COL5A3: variants seen among roughly 807,000 people sequenced by gnomAD.
COL5A3 encodes collagen alpha-3(V) chain.
A neutral mutation model predicts 250.0 loss-of-function variants in COL5A3; 172 were observed. That is an observed-to-expected ratio of 0.69 (90% CI 0.61 to 0.78). The LOEUF (loss-of-function observed/expected upper bound fraction) is 0.78, where lower values mean the gene tolerates loss of function less well. Among genes scored for constraint, COL5A3 ranks in the 30% least tolerant of loss-of-function variants. The pLI is 0.00. For synonymous variants in COL5A3, 937 were observed against 900.4 expected, an observed-to-expected ratio of 1.04 and a Z score of -0.73; for missense variants, 2,340 against 2,334.4, an observed-to-expected ratio of 1.00 and a Z score of -0.05.
rs1465683679 is a variant in COL5A3 at position 9,986,846 on chromosome 19, T to A, written c.2146-88A>T. 3 of 1,466,436 alleles carry A rather than the reference T, an allele frequency of 2.0e-6. No individual in the cohort carries two copies. In the African/African-American group the frequency reaches 4.3e-5, roughly 21 times the overall value. 90.8% of individuals were successfully genotyped at this position (1,466,436 alleles called of 1,614,324 possible). ...GTCCCCTGCTCTAAAGCAGCCAGGA[T>A]AGTCCCAAGAGGAGGCTAGGCAGAA... On this transcript the variant is annotated intron_variant, in intron 27 of 66. Coordinates refer to ENST00000264828, the MANE Select transcript of COL5A3 (RefSeq NM_015719.4).
chr19:9,971,246 G>A lies in COL5A3; in HGVS notation c.3787C>T (p.Leu1263=). Residue 1263 remains leucine (L), a synonymous_variant, in exon 52 of 67, where the codon CTG becomes TTG. Coordinates refer to ENST00000264828, the MANE Select transcript of COL5A3 (RefSeq NM_015719.4). ...GAKGSVGPTG[L]PGDLGPPGDP... ...CCTGGGGGCCCTAGATCTCCGGGCA[G>A]CCCCGTGGGGCCCTGGAACACAGAA... 2 of 1,562,624 alleles carry A rather than the reference G, an allele frequency of 1.3e-6. No homozygotes were observed. The highest frequency in any genetic ancestry group is 1.7e-6 in the Non-Finnish European group (2 of 1,162,908).
chr19:9,961,560 T>C (rs2086672267), intron 65 of COL5A3, among the ~76,000 whole-genome samples: 2 of 106,970 alleles, frequency 1.9e-5, no homozygotes, highest in South Asian at 2.4e-4. Context: ...CTTCATTTAA[T>C]TTTTTTTTTT....
At chr19:9,996,301 A>G in intron 13 of COL5A3, 39 bp from the exon 14 acceptor site, 1 of 1,547,936 alleles carries the variant, frequency 6.5e-7, no homozygotes, top group Non-Finnish European at 8.7e-7. Context: ...GGCCTCCCAC[A>G]AGACCCCCAA....
chr19:9,994,063 G>C (rs2145124670), intron 16 of COL5A3, among the ~76,000 whole-genome samples: 1 of 152,182 alleles, frequency 6.6e-6, no homozygotes, highest in Non-Finnish European at 1.5e-5. Flanking sequence ...GTTTCACCCT[G>C]TTGCTCAGGC....
intron 11 of COL5A3, chr19:9,997,023 TAGAG>T (rs906052648): frequency 2.2e-5 from 11 of 501,598 alleles, no homozygotes; most frequent in Non-Finnish European, 3.5e-5. Flanking sequence ...GATGGAGAAA[TAGAG>T]AGAGAGGCGA....
At chr19:9,981,803 G>T (rs987435246) in intron 32 of COL5A3, among the ~76,000 whole-genome samples, 1 of 152,200 alleles carries the variant, frequency 6.6e-6, no homozygotes, top group East Asian at 1.9e-4. Flanking sequence ...GCACAGGCCT[G>T]CAGGCTGCGG....
intron 44 of COL5A3, 72 bp downstream of exon 44, chr19:9,977,157 A>G: frequency 7.0e-7 from 1 of 1,422,400 alleles, no homozygotes; most frequent in Non-Finnish European, 9.9e-7. Context: ...ATGGAGAATG[A>G]TCTCTACATC....
rs1407678677 is a variant in COL5A3, at chr19:10,004,148, G to A, written c.595-3C>T. On this transcript the variant is annotated splice_polypyrimidine_tract_variant and splice_region_variant and intron_variant, in intron 4 of 66. Coordinates refer to ENST00000264828, the MANE Select transcript of COL5A3 (RefSeq NM_015719.4). The stretch of plus-strand genomic sequence containing the variant: ...ATCAGCAGCTCCTGAATGTCTCCCT[G>A]GGGGTTGGGGGTGTAGGAGTCAAGG... The A allele has an allele frequency of 1.2e-6, 2 of 1,610,586 alleles. No individual in the cohort carries two copies. The highest frequency in any genetic ancestry group is 1.7e-6 in the Non-Finnish European group (2 of 1,176,910).
At chr19:9,990,505 A>G (rs564463321) in intron 24 of COL5A3, among the ~76,000 whole-genome samples, 1 of 152,314 alleles carries the variant, frequency 6.6e-6, no homozygotes, top group South Asian at 2.1e-4. Context: ...GCCTGTATCA[A>G]AACATCTCAT....
rs201075436 is a variant in COL5A3, at chr19:9,998,046, C to T, written c.1159-21G>A. On this transcript the variant is annotated intron_variant, in intron 9 of 66. Transcript: ENST00000264828. The stretch of plus-strand genomic sequence containing the variant: ...TGCCCCTGAAGGGAGAAGTGAGTGT[C>T]GGTGACCGCTGTCATCATGAAGCCT... The T allele has an allele frequency of 5.3e-4, 855 of 1,614,000 alleles. 2 individuals carry two copies. Among genetic ancestry groups the T allele is most frequent in the Middle Eastern group, 2.6e-3 (16 of 6,060 alleles).
At position 9,978,951 on chromosome 19, in the gene COL5A3, C is replaced by T; in HGVS notation, c.2904G>A (p.Gly968=). Reference sequence around the variant, plus strand: ...CCCTGAGTCCAGCTGGCCCTTCTTTCCCAAGGGGTCCTGGTGGTCCCAGTT... The same window carrying T: ...CCCTGAGTCCAGCTGGCCCTTCTTTTCCAAGGGGTCCTGGTGGTCCCAGTT... ...KGELGPPGPL[G]KEGPAGLRGF... is the part of the protein sequence containing the mutation. The change falls in exon 40 of 67, where the codon GGG becomes GGA. Residue 968 remains glycine (G), a synonymous_variant. Transcript: ENST00000264828. The T allele has an allele frequency of 6.5e-7, 1 of 1,534,656 alleles. No homozygotes were observed.
Position 10,005,793 on chromosome 19 carries a change from C to T in COL5A3, c.437+3G>A. 1.2e-6 allele frequency: 2 copies of T among 1,608,824 alleles called. No individual in the cohort carries two copies. Among genetic ancestry groups the T allele is most frequent in the Middle Eastern group, 3.3e-4 (2 of 6,042 alleles). On this transcript the variant is annotated splice_donor_region_variant and intron_variant, in intron 3 of 66. Transcript: ENST00000264828. ...GACCCCCGCCCACTCTCCCCATGCT[C>T]ACCTGCCATCTGTGAGGTTGACCTG... is the stretch of plus-strand genomic sequence containing the variant.
intron 31 of COL5A3, among the ~76,000 whole-genome samples, chr19:9,984,157 G>A (rs1481070521): frequency 6.6e-6 from 1 of 151,954 alleles, no homozygotes; most frequent in Non-Finnish European, 1.5e-5. Context: ...CATGTACCTG[G>A]GATTACAGGC....
At chr19:9,978,327 G>A (rs1210429329) in intron 41 of COL5A3, among the ~76,000 whole-genome samples, 4 of 152,032 alleles carry the variant, frequency 2.6e-5, no homozygotes, top group African/African-American at 4.8e-5. Flanking sequence ...AGGTTCAAGC[G>A]ATTCTCCTGC....
In COL5A3 at chr19:9,991,637, C is replaced by T. The variant is rs745374987; in HGVS notation, c.1965G>A (p.Gln655=). ...TCTCCCCAGGAGTGCCAATGAGTCC[C>T]TGGGGACCGGGGAGTCCCTGGAGAC... is the stretch of plus-strand genomic sequence containing the variant. The part of the protein sequence containing the change: ...NHGSQGLPGP[Q]GLIGTPGEKG... The change falls in exon 24 of 67, where the codon CAG becomes CAA. Residue 655 remains glutamine, a synonymous_variant. Coordinates refer to ENST00000264828, the MANE Select transcript of COL5A3 (RefSeq NM_015719.4). 1.9e-6 allele frequency: 3 copies of T among 1,608,944 alleles called. 1 individual carries two copies. In the South Asian group the frequency reaches 3.3e-5, roughly 18 times the overall value.
rs755803760 is a variant in COL5A3 at position 9,979,381 on chromosome 19, C to CTG, written c.2748_2749insCA (p.Gly917GlnfsTer4). The CTG allele has an allele frequency of 7.4e-6, 12 of 1,614,004 alleles. No individual in the cohort carries two copies. The highest frequency in any genetic ancestry group is 1.0e-5 in the Non-Finnish European group (12 of 1,180,026). On this transcript the variant is annotated frameshift_variant, in exon 38 of 67. Coordinates refer to ENST00000264828, the MANE Select transcript of COL5A3 (RefSeq NM_015719.4). LOFTEE classifies it high-confidence loss of function. ...ACTCTGACCTGAGGGCCTAAGACAC[C>CTG]AGCTGGTCCAGGCGGGCCTGTCTGA...
Position 9,992,830 on chromosome 19 carries a change from G to A in COL5A3, c.1845C>T (p.Arg615=), listed in dbSNP as rs2087213508. Residue 615 remains arginine, a synonymous_variant, in exon 21 of 67, where the codon CGC becomes CGT. Transcript: ENST00000264828. ...GPRGSPGPTG[R]PGVTGIDGAP... ...GCAGAGAGCCAGTGACACTCACCGG[G>A]CGACCCGTGGGGCCAGGAGAGCCTC... is the stretch of plus-strand genomic sequence containing the variant. 6.2e-7 allele frequency: 1 copy of A among 1,613,938 alleles called. No homozygotes were observed. The highest frequency in any genetic ancestry group is 8.5e-7 in the Non-Finnish European group (1 of 1,179,902).
In COL5A3 at chr19:9,968,064, T is replaced by A; in HGVS notation, c.4330A>T (p.Ile1444Phe). 6.3e-7 allele frequency: 1 copy of A among 1,590,508 alleles called. No individual in the cohort carries two copies. Among genetic ancestry groups the A allele is most frequent in the Non-Finnish European group, 8.5e-7 (1 of 1,173,816 alleles). The change falls in exon 60 of 67, where the codon ATT becomes TTT. Residue 1444 changes from isoleucine to phenylalanine, a missense_variant. By Grantham distance (21) the Ile-to-Phe change is conservative. This residue lies in a region of COL5A3 where 1,179 missense variants were observed against 1,162.6 expected (regional missense o/e 1.01). Transcript: ENST00000264828. The surrounding 1 kb of genome is among the most constrained non-coding windows in gnomAD (Gnocchi z 4.1). The part of the protein sequence containing the change: ...PKGDPGPPGP[I>F]GSLGHPGPPG... ...GGCCCAGGGTGGCCCAGAGAGCCAA[T>A]GGGACCAGGGGGACCCTAGGAAAAG...
In COL5A3 at chr19:9,979,203, C is replaced by G; in HGVS notation, c.2803G>C (p.Gly935Arg). Residue 935 changes from glycine to arginine, a missense_variant, in exon 39 of 67, where the codon GGG becomes CGG. Physicochemically the swap from Gly to Arg is moderately radical, Grantham distance 125 (BLOSUM62 -2). Coordinates refer to ENST00000264828, the MANE Select transcript of COL5A3 (RefSeq NM_015719.4). ...TGEVGPLGER[G>R]PPGPPGPPGE... ...GGAGGTCCAGGGGGGCCTGGAGGCC[C>G]CCTTTCACCTAGAGGTCCCACTTCT... is the stretch of plus-strand genomic sequence containing the variant. 6.2e-7 allele frequency: 1 copy of G among 1,604,246 alleles called. No individual in the cohort carries two copies. The highest frequency in any genetic ancestry group is 1.7e-4 in the Middle Eastern group (1 of 5,982).
Sources: allele counts gnomAD v4.1 joint callset (sites outside exome capture counted in the v4.1 genomes callset), GRCh38; gene constraint gnomAD v4.1.1; regional missense constraint gnomAD v4.1.1; non-coding constraint Gnocchi (gnomAD v3.1); transcripts MANE v1.5; gene names NCBI Gene and HGNC (gene_info 2026-07-23, HGNC 2026-07-21).